The following MMP10 variants were observed in gnomAD, a reference collection of about 807,000 sequenced individuals.
MMP10 encodes matrix metallopeptidase 10.
Under a neutral mutation model 49.1 loss-of-function variants are expected in MMP10, and 50 were observed. The ratio of observed to expected loss-of-function variants is 1.02; its 90% CI spans 0.81 to 1.29. MMP10 has a LOEUF of 1.29. Ranked by LOEUF, MMP10 falls within the 50% of genes most tolerant of loss-of-function variation. MMP10 has a pLI of 0.00. For missense variants in MMP10, 613 were observed against 563.8 expected (o/e 1.09, Z -0.88); for synonymous variants, 229 against 201.6 (o/e 1.14, Z -1.15).
chr11:102,772,153 A>C lies in MMP10; in HGVS notation c.1227-38T>G, dbSNP rs1861982344. ...AAAGAAATACAGTTCAATGATGTGC[A>C]GTAGTCCCATTACACACAATAGTAT... On this transcript the variant is annotated intron_variant, in intron 8 of 9. Transcript: ENST00000279441. This position sits in a 1 kb window ranked among gnomAD's most constrained non-coding sequence, Gnocchi z 4.4. 1.3e-5 allele frequency: 16 copies of C among 1,275,758 alleles called. No individual in the cohort carries two copies. Among genetic ancestry groups the C allele is most frequent in the Non-Finnish European group, 1.8e-5 (16 of 875,588 alleles). The allele number at this position is 1,275,758 out of a possible 1,614,324, so 79.0% of individuals were successfully genotyped here.
intron 3 of MMP10, among the ~76,000 whole-genome samples, chr11:102,778,988 A>G (rs1486092505): frequency 6.6e-6 from 1 of 152,140 alleles, no homozygotes. Flanking sequence ...GCTTGAGGGA[A>G]CCTCCTGGCC....
intron 7 of MMP10, 104 bp downstream of exon 7, chr11:102,775,084 T>C: frequency 3.6e-6 from 3 of 827,312 alleles, no homozygotes; most frequent in Non-Finnish European, 5.1e-6. Flanking sequence ...TAGCACAAGG[T>C]CTTTCAGTAA....
chr11:102,770,793 C>A lies in MMP10; in HGVS notation c.1431G>T (p.Ter477TyrextTer3). Reference sequence around the variant, plus strand: ...CATATCTGTCTTCCCCCTATCTCGCCTAGCAATGTAACCAGCTGTTACTCT... The same window carrying A: ...CATATCTGTCTTCCCCCTATCTCGCATAGCAATGTAACCAGCTGTTACTCT... ...ILKSNSWLHC* is the reference protein window; with the variant it reads ...ILKSNSWLHCY Residue 477 changes from the stop codon to tyrosine (Y), a stop_lost, in exon 10 of 10, where the codon TAG becomes TAT. Coordinates refer to ENST00000279441, the MANE Select transcript of MMP10 (RefSeq NM_002425.3). 1 of 1,593,998 alleles carries A rather than the reference C, an allele frequency of 6.3e-7. No homozygotes were observed. Among genetic ancestry groups the A allele is most frequent in the Admixed American group, 1.7e-5 (1 of 58,460 alleles).
chr11:102,775,154 T>A (rs1321753917), intron 7 of MMP10, 34 bp downstream of exon 7: 7 of 1,456,280 alleles, frequency 4.8e-6, no homozygotes, highest in Non-Finnish European at 6.4e-6. Flanking sequence ...ATAGGATTTA[T>A]TCCAGCAAGT....
At chr11:102,777,685 G>T (rs1266761880) in intron 4 of MMP10, among the ~76,000 whole-genome samples, 2 of 152,118 alleles carry the variant, frequency 1.3e-5, no homozygotes, top group East Asian at 3.9e-4. Flanking sequence ...GCTAGATTCA[G>T]CTTTTTAAAA....
rs377610675 is a variant in MMP10, at chr11:102,779,254, T to C, written c.455A>G (p.Tyr152Cys). 16 of 1,613,900 alleles carry C rather than the reference T, an allele frequency of 9.9e-6. No homozygotes were observed. The highest frequency in any genetic ancestry group is 1.3e-5 in the Non-Finnish European group (15 of 1,180,012). ...GATCATTATATCAGCCTCTCCTTCA[T>C]ACAGCCTGGAGAATGTGAGTGGAGT... The part of the protein sequence containing the change: ...EVTPLTFSRL[Y>C]EGEADIMISF... Residue 152 changes from tyrosine (Y) to cysteine (C), a missense_variant, in exon 3 of 10, where the codon TAT (tyrosine) becomes TGT (cysteine). Coordinates refer to ENST00000279441, the MANE Select transcript of MMP10 (RefSeq NM_002425.3).
chr11:102,772,856 T>C lies in MMP10; in HGVS notation c.1217A>G (p.Lys406Arg). 2 of 1,609,970 alleles carry C rather than the reference T, an allele frequency of 1.2e-6. No individual in the cohort carries two copies. Among genetic ancestry groups the C allele is most frequent in the Non-Finnish European group, 1.7e-6 (2 of 1,178,710 alleles). The change falls in exon 8 of 10, where the codon AAA becomes AGA. Residue 406 changes from lysine to arginine, a missense_variant. Transcript: ENST00000279441. This position sits in a 1 kb window ranked among gnomAD's most constrained non-coding sequence, Gnocchi z 4.4. ...KKKTYFFAAD[K>R]YWRFDENSQS... ...TTCTCTTGCATCTCACCTCCAGTAT[T>C]TGTCCGCTGCAAAGAAGTATGTTTT...
chr11:102,771,825 A>G lies in MMP10; in HGVS notation c.1330+187T>C, dbSNP rs566514678. 2.0e-5 allele frequency among the ~76,000 whole-genome samples: 3 copies of G among 152,096 alleles called. No homozygotes were observed. In the East Asian group the frequency reaches 5.8e-4, roughly 29 times the overall value. On this transcript the variant is annotated intron_variant, in intron 9 of 9. Transcript: ENST00000279441. ...GTTATTCAGGAAAACACACACACACACACACACACACACACACAAATTTAA... is the reference window on the plus strand; with the variant it reads ...GTTATTCAGGAAAACACACACACACGCACACACACACACACACAAATTTAA...
Position 102,772,636 on chromosome 11 carries a change from T to C in MMP10, c.1226+211A>G, listed in dbSNP as rs967727582. 6.6e-6 allele frequency among the ~76,000 whole-genome samples: 1 copy of C among 152,146 alleles called. No homozygotes were observed. Among genetic ancestry groups the C allele is most frequent in the African/African-American group, 2.4e-5 (1 of 41,428 alleles). On this transcript the variant is annotated intron_variant, in intron 8 of 9. Transcript: ENST00000279441. This position sits in a 1 kb window ranked among gnomAD's most constrained non-coding sequence, Gnocchi z 4.4. The stretch of plus-strand genomic sequence containing the variant: ...GGACCTCAGCTGGCCTCTCCTGATG[T>C]CTTTTAGTGTCTGAGTATATGGCCC...
At chr11:102,773,430 G>A (rs1030631828) in intron 7 of MMP10, among the ~76,000 whole-genome samples, 1 of 151,962 alleles carries the variant, frequency 6.6e-6, no homozygotes, top group Non-Finnish European at 1.5e-5. Flanking sequence ...GAACACTATC[G>A]GAATTCATTC....
At position 102,772,744 on chromosome 11, in the gene MMP10, A is replaced by G; in HGVS notation, c.1226+103T>C. 2 of 1,212,600 alleles carry G rather than the reference A, an allele frequency of 1.6e-6. No homozygotes were observed. The highest frequency in any genetic ancestry group is 3.2e-5 in the South Asian group (2 of 62,996). 75.1% of individuals were successfully genotyped at this position (1,212,600 alleles called of 1,614,324 possible). On this transcript the variant is annotated intron_variant, in intron 8 of 9. Coordinates refer to ENST00000279441, the MANE Select transcript of MMP10 (RefSeq NM_002425.3). The surrounding 1 kb of genome is among the most constrained non-coding windows in gnomAD (Gnocchi z 4.4). Reference sequence around the variant, plus strand: ...CCTCATAATCATAAATTTTGAAGTTAGAGAAAGTTAGAGGGTGGGTGTAGG... The same window carrying G: ...CCTCATAATCATAAATTTTGAAGTTGGAGAAAGTTAGAGGGTGGGTGTAGG...
chr11:102,771,691 C>G (rs746740924), intron 9 of MMP10, among the ~76,000 whole-genome samples: 5 of 152,152 alleles, frequency 3.3e-5, no homozygotes, highest in Non-Finnish European at 7.3e-5. Context: ...GTAAGCCTGG[C>G]TCACACAGAT....
chr11:102,771,675 C>G (rs892211144), intron 9 of MMP10, among the ~76,000 whole-genome samples: 1 of 152,138 alleles, frequency 6.6e-6, no homozygotes, highest in African/African-American at 2.4e-5. Context: ...TGACAACCAG[C>G]CATCAGTAAG....
intron 3 of MMP10, 88 bp downstream of exon 3, chr11:102,779,125 T>A: frequency 6.5e-7 from 1 of 1,527,890 alleles, no homozygotes; most frequent in Middle Eastern, 2.5e-4. Flanking sequence ...AAATTTCTGT[T>A]GTTTATAAAT....
At position 102,776,637 on chromosome 11, in the gene MMP10, A is replaced by G. The variant is rs369185884; in HGVS notation, c.762T>C (p.Asp254=). 6.2e-7 allele frequency: 1 copy of G among 1,613,480 alleles called. No individual in the cohort carries two copies. Among genetic ancestry groups the G allele is most frequent in the African/African-American group, 1.3e-5 (1 of 74,994 alleles). The change falls in exon 5 of 10, where the codon GAT becomes GAC. Residue 254 remains aspartate, a synonymous_variant. Transcript: ENST00000279441. Reference sequence around the variant, plus strand: ...CGTAGAGAGACTGAATGCCATTCACATCATCTTGCGAAAGGCGGAACTGGG... The same window carrying G: ...CGTAGAGAGACTGAATGCCATTCACGTCATCTTGCGAAAGGCGGAACTGGG... ...ELAQFRLSQD[D]VNGIQSLYGP...
At position 102,770,620 on chromosome 11, in the gene MMP10, G is replaced by A. The variant is rs1039900670; in HGVS notation, c.*173C>T. 2.0e-6 allele frequency: 1 copy of A among 509,434 alleles called. No homozygotes were observed. The highest frequency in any genetic ancestry group is 3.4e-6 in the Non-Finnish European group (1 of 290,682). 31.6% of individuals were successfully genotyped at this position (509,434 alleles called of 1,614,324 possible). A position where few individuals can be genotyped will look rare whatever the true frequency, so the allele number is the denominator to read the frequency against. On this transcript the variant is annotated 3_prime_UTR_variant, in exon 10 of 10. Coordinates refer to ENST00000279441, the MANE Select transcript of MMP10 (RefSeq NM_002425.3). ...TAATTCTGTTCAGTGCAATTCAAAA[G>A]CAAGTGAAGAATTCCAGAAACATTC...
rs979398749 is a variant in MMP10 at position 102,770,621 on chromosome 11, C to A, written c.*172G>T. The A allele has an allele frequency of 2.2e-5, 11 of 507,860 alleles. No homozygotes were observed. Among genetic ancestry groups the A allele is most frequent in the Middle Eastern group, 3.5e-4 (1 of 2,892 alleles). The allele number at this position is 507,860 out of a possible 1,614,324, so 31.5% of individuals were successfully genotyped here. A position where few individuals can be genotyped will look rare whatever the true frequency, so the allele number is the denominator to read the frequency against. On this transcript the variant is annotated 3_prime_UTR_variant, in exon 10 of 10. Coordinates refer to ENST00000279441, the MANE Select transcript of MMP10 (RefSeq NM_002425.3). ...AATTCTGTTCAGTGCAATTCAAAAG[C>A]AAGTGAAGAATTCCAGAAACATTCT...
At chr11:102,779,947 G>A (rs910473174) in intron 1 of MMP10, among the ~76,000 whole-genome samples, 6 of 152,048 alleles carry the variant, frequency 3.9e-5, no homozygotes, top group African/African-American at 1.4e-4. Flanking sequence ...TAAGGAATTG[G>A]GGATTGAAAA....
chr11:102,775,582 T>C (rs17860980), intron 6 of MMP10, among the ~76,000 whole-genome samples: 15,731 of 152,072 alleles, frequency 0.1, 1,222 homozygotes, highest in African/African-American at 0.21. Context: ...ATTATGTGTA[T>C]ATTGATGCTT....
Sources: allele counts gnomAD v4.1 joint callset (sites outside exome capture counted in the v4.1 genomes callset), GRCh38; gene constraint gnomAD v4.1.1; non-coding constraint Gnocchi (gnomAD v3.1); transcripts MANE v1.5; gene names NCBI Gene and HGNC (gene_info 2026-07-23, HGNC 2026-07-21).